PKHD1L1: variants seen among roughly 807,000 people sequenced by gnomAD.
PKHD1L1 encodes the protein PKHD1 like 1.
Under a neutral mutation model 462.9 loss-of-function variants are expected in PKHD1L1, and 434 were observed. The ratio of observed to expected loss-of-function variants is 0.94; its 90% CI spans 0.87 to 1.02. PKHD1L1 has a LOEUF of 1.02. Among genes scored for constraint, PKHD1L1 ranks in the 50% least tolerant of loss-of-function variants. PKHD1L1 has a pLI of 0.00. For synonymous variants in PKHD1L1, 1,781 were observed against 1,750.0 expected (o/e 1.02, Z -0.44); for missense variants, 5,202 against 5,096.1 (o/e 1.02, Z -0.63).
intron 59 of PKHD1L1, among the ~76,000 whole-genome samples, chr8:109,489,099 A>G (rs1165034336): frequency 6.6e-6 from 1 of 151,890 alleles, no homozygotes; most frequent in African/African-American, 2.4e-5. Flanking sequence ...TCATTATCTC[A>G]ATTATTCATA....
At chr8:109,363,399 G>A (rs1432097817) in intron 1 of PKHD1L1, among the ~76,000 whole-genome samples, 1 of 152,204 alleles carries the variant, frequency 6.6e-6, no homozygotes, top group African/African-American at 2.4e-5. Context: ...TCTCCTTTAT[G>A]TTGGAGAGCT....
chr8:109,468,027 A>G (rs751248736), intron 50 of PKHD1L1, among the ~76,000 whole-genome samples: 3 of 152,184 alleles, frequency 2.0e-5, no homozygotes, highest in Non-Finnish European at 4.4e-5. Context: ...AATGCTATCA[A>G]TATTGTTGAA....
intron 46 of PKHD1L1, among the ~76,000 whole-genome samples, chr8:109,457,774 T>A (rs1816905174): frequency 6.6e-6 from 1 of 152,212 alleles, no homozygotes; most frequent in South Asian, 2.1e-4. Flanking sequence ...AGGAAAGATG[T>A]GTTTAGGTAC....
intron 2 of PKHD1L1, among the ~76,000 whole-genome samples, chr8:109,370,708 T>G (rs1019735899): frequency 6.6e-6 from 1 of 152,076 alleles, no homozygotes; most frequent in Non-Finnish European, 1.5e-5. Context: ...CCTTCCTGTG[T>G]CCATGTGTTC....
intron 21 of PKHD1L1, among the ~76,000 whole-genome samples, chr8:109,416,745 A>G (rs1211945527): frequency 6.6e-6 from 1 of 152,200 alleles, no homozygotes; most frequent in Non-Finnish European, 1.5e-5. Context: ...TGCCTCTGTT[A>G]GGTGGCAAGG....
In PKHD1L1 at chr8:109,497,170, T is replaced by G. The variant is rs1325530504; in HGVS notation, c.10497T>G (p.Ile3499Met). The change falls in exon 65 of 78, where the codon ATT (isoleucine) becomes ATG (methionine). Residue 3499 changes from isoleucine (I) to methionine (M), a missense_variant. Physicochemically the swap from Ile to Met is conservative, Grantham distance 10 (BLOSUM62 1). Coordinates refer to ENST00000378402, the MANE Select transcript of PKHD1L1 (RefSeq NM_177531.6). ...IYFQTTESVH[I>M]YNVTLVDNGM... is the part of the protein sequence containing the mutation. ...TGCAGACCACAGAGAGTGTGCACAT[T>G]TATAATGTGACCCTGGTTGACAATG... 6.2e-7 allele frequency: 1 copy of G among 1,613,886 alleles called. No homozygotes were observed. The highest frequency in any genetic ancestry group is 2.2e-5 in the East Asian group (1 of 44,866).
chr8:109,412,749 G>A (rs753207642), intron 20 of PKHD1L1, among the ~76,000 whole-genome samples: 127 of 152,096 alleles, frequency 8.3e-4, no homozygotes, highest in Admixed American at 2.0e-3. Context: ...TAAGAAGAAA[G>A]AAAAATGGCT....
intron 9 of PKHD1L1, among the ~76,000 whole-genome samples, chr8:109,391,174 A>T (rs1812693648): frequency 6.6e-6 from 1 of 152,168 alleles, no homozygotes; most frequent in Admixed American, 6.5e-5. Context: ...CCTCCCAAAG[A>T]AGCTCCCAAG....
intron 56 of PKHD1L1, among the ~76,000 whole-genome samples, chr8:109,482,363 A>C (rs970352090): frequency 7.2e-5 from 11 of 151,914 alleles, no homozygotes; most frequent in Admixed American, 7.2e-4. Context: ...AACACTTTAA[A>C]CAACATAGAA....
At chr8:109,469,657 T>C (rs1817623393) in intron 50 of PKHD1L1, among the ~76,000 whole-genome samples, 1 of 152,120 alleles carries the variant, frequency 6.6e-6, no homozygotes, top group Admixed American at 6.6e-5. Context: ...TTCTAGGTTT[T>C]TTTCCCCTGT....
intron 68 of PKHD1L1, among the ~76,000 whole-genome samples, chr8:109,505,484 A>T (rs760606566): frequency 3.3e-4 from 50 of 152,186 alleles, no homozygotes; most frequent in Non-Finnish European, 6.2e-4. Flanking sequence ...CCTACTTTTT[A>T]TTAGAAGTAC....
chr8:109,402,703 G>T (rs1813334019), intron 14 of PKHD1L1, among the ~76,000 whole-genome samples: 1 of 152,168 alleles, frequency 6.6e-6, no homozygotes, highest in Admixed American at 6.6e-5. Flanking sequence ...TTGATGGGAG[G>T]AGTGCTTTTT....
chr8:109,394,412 C>A lies in PKHD1L1; in HGVS notation c.741-3C>A. ...AGCAGAAAATTTAATCTTTTTTTAA[C>A]AGGAGTTTTCCACAGAAAATGGCAT... On this transcript the variant is annotated splice_polypyrimidine_tract_variant and splice_region_variant and intron_variant, in intron 9 of 77. Transcript: ENST00000378402. The A allele has an allele frequency of 1.4e-6, 2 of 1,466,888 alleles. No homozygotes were observed. The highest frequency in any genetic ancestry group is 1.4e-5 in the South Asian group (1 of 72,160). The allele number at this position is 1,466,888 out of a possible 1,614,324, so 90.9% of individuals were successfully genotyped here. A position where few individuals can be genotyped will look rare whatever the true frequency, so the allele number is the denominator to read the frequency against.
chr8:109,518,101 TA>T (rs1244698695), intron 72 of PKHD1L1, 65 bp from the exon 73 acceptor site: 13 of 965,434 alleles, frequency 1.3e-5, no homozygotes, highest in Non-Finnish European at 2.0e-5. Flanking sequence ...AAACATTAAG[TA>T]ACGCATGTTG....
chr8:109,461,790 C>T lies in PKHD1L1; in HGVS notation c.7265C>T (p.Thr2422Ile), dbSNP rs754905735. The T allele has an allele frequency of 5.0e-6, 8 of 1,609,220 alleles. No homozygotes were observed. The Admixed American group carries it at 5.0e-5, about 10-fold the overall frequency. ...TTTGAAGGAGAATTTGCTACACAGA[C>T]CTGTCTCCAAGGAAAGTTTGGAGAA... ...GFDTGEFATQ[T>I]CLQGKFGEEI... Residue 2422 changes from threonine to isoleucine, a missense_variant, in exon 48 of 78, where the codon ACC (threonine) becomes ATC (isoleucine). Thr to Ile is a moderately conservative substitution (Grantham distance 89, BLOSUM62 -1). Transcript: ENST00000378402.
At position 109,465,166 on chromosome 8, in the gene PKHD1L1, G is replaced by T. The variant is rs1271546657; in HGVS notation, c.8334G>T (p.Gln2778His). 2.5e-6 allele frequency: 4 copies of T among 1,613,656 alleles called. No homozygotes were observed. In the Admixed American group the frequency reaches 6.7e-5, roughly 27 times the overall value. Residue 2778 changes from glutamine to histidine, a missense_variant, in exon 49 of 78, where the codon CAG (glutamine) becomes CAT (histidine). Physicochemically the swap from Gln to His is conservative, Grantham distance 24 (BLOSUM62 0). This residue lies in a region of PKHD1L1 where 4,497 missense variants were observed against 4,336.8 expected (regional missense o/e 1.04). Coordinates refer to ENST00000378402, the MANE Select transcript of PKHD1L1 (RefSeq NM_177531.6). ...GGAGTGCAAAGTTTGTTGACGTCCAGTATTCTCACACACCGAACAAGGCTG... is the reference window on the plus strand; with the variant it reads ...GGAGTGCAAAGTTTGTTGACGTCCATTATTCTCACACACCGAACAAGGCTG... ...GGWSAKFVDV[Q>H]YSHTPNKAGF...
intron 2 of PKHD1L1, among the ~76,000 whole-genome samples, chr8:109,372,350 A>G (rs1811557285): frequency 6.6e-6 from 1 of 152,130 alleles, no homozygotes; most frequent in Admixed American, 6.6e-5. Flanking sequence ...TTGCACATTG[A>G]TTTTGTATCC....
intron 6 of PKHD1L1, 95 bp from the exon 7 acceptor site, chr8:109,388,402 A>T: frequency 2.3e-6 from 2 of 878,638 alleles, no homozygotes; most frequent in Non-Finnish European, 3.6e-6. Context: ...TGAGAAAAAA[A>T]ATTTAAGGGA....
intron 40 of PKHD1L1, among the ~76,000 whole-genome samples, chr8:109,450,011 C>T (rs142478814): frequency 9.2e-5 from 14 of 152,228 alleles, no homozygotes; most frequent in Non-Finnish European, 1.6e-4. Flanking sequence ...TGTCTAGGAC[C>T]ATATGTAATT....
Sources: gnomAD v4.1 joint callset for allele counts (sites outside exome capture counted in the v4.1 genomes callset) on GRCh38, gnomAD v4.1.1 for gene constraint, gnomAD v4.1.1 regional missense constraint, MANE v1.5 for transcripts, NCBI Gene and HGNC (gene_info 2026-07-23, HGNC 2026-07-21) for gene names.